LRPPRC: variants seen among roughly 807,000 people sequenced by gnomAD.
LRPPRC encodes the protein leucine-rich PPR motif-containing protein, mitochondrial.
Under a neutral mutation model 180.3 loss-of-function variants are expected in LRPPRC, and 120 were observed. The ratio of observed to expected loss-of-function variants is 0.67; its 90% CI spans 0.57 to 0.77. The LOEUF (loss-of-function observed/expected upper bound fraction) is 0.77. Ranked by LOEUF, LRPPRC falls within the 30% of genes least tolerant of loss-of-function variation. The pLI is 0.00. For synonymous variants in LRPPRC, 723 were observed against 600.0 expected (o/e 1.21, Z -3.00); for missense variants, 2,012 against 1,657.2 (o/e 1.21, Z -3.72).
chr2:43,952,412 A>T lies in LRPPRC; in HGVS notation c.1650-1812T>A, dbSNP rs969717640. 4.9e-4 allele frequency among the ~76,000 whole-genome samples: 75 copies of T among 152,352 alleles called. 1 individual carries two copies. The highest frequency in any genetic ancestry group is 9.4e-4 in the Non-Finnish European group (64 of 68,024). On this transcript the variant is annotated intron_variant, in intron 14 of 37. Transcript: ENST00000260665. ...TATCCTTCAAAACCAAGCTGTTGTA[A>T]GGAACAGTTACCAGTGCCCAAACCA... is the stretch of plus-strand genomic sequence containing the variant.
intron 12 of LRPPRC, among the ~76,000 whole-genome samples, chr2:43,963,065 G>C (rs1380411397): frequency 6.6e-6 from 1 of 152,132 alleles, no homozygotes; most frequent in Non-Finnish European, 1.5e-5. Context: ...TAATACACAA[G>C]AAAAAAGCTG....
At position 43,893,057 on chromosome 2, in the gene LRPPRC, T is replaced by G. The variant is rs566031602; in HGVS notation, c.3985+1488A>C. ...TCTGTGGAGGAAATCACTGCAGATG[T>G]GGAAATAGCAAGACAACTAGAAGGA... On this transcript the variant is annotated intron_variant, in intron 36 of 37. Coordinates refer to ENST00000260665, the MANE Select transcript of LRPPRC (RefSeq NM_133259.4). 4.6e-5 allele frequency among the ~76,000 whole-genome samples: 7 copies of G among 152,270 alleles called. No homozygotes were observed. The East Asian group carries it at 1.4e-3, about 29-fold the overall frequency.
chr2:43,901,286 C>G (rs1670873157), intron 32 of LRPPRC, 34 bp downstream of exon 32: 2 of 1,561,450 alleles, frequency 1.3e-6, no homozygotes, highest in Non-Finnish European at 1.8e-6. Flanking sequence ...ATTCTAGTGA[C>G]CAATGAAGGA....
rs1160304261 is a variant in LRPPRC at position 43,946,219 on chromosome 2, T to C, written c.2104A>G (p.Lys702Glu). Residue 702 changes from lysine (K) to glutamate (E), a missense_variant, in exon 21 of 38, where the codon AAA (lysine) becomes GAA (glutamate). Transcript: ENST00000260665. Reference sequence around the variant, plus strand: ...ACCATGTCGGATTCATATTTTGCTTTCAATTCAAGGGCTTTTTGCATATTC... The same window carrying C: ...ACCATGTCGGATTCATATTTTGCTTCCAATTCAAGGGCTTTTTGCATATTC... ...EENMQKALEL[K>E]AKYESDMVTG... 3.1e-6 allele frequency: 5 copies of C among 1,611,818 alleles called. No individual in the cohort carries two copies. The highest frequency in any genetic ancestry group is 4.2e-6 in the Non-Finnish European group (5 of 1,178,278).
Position 43,946,250 on chromosome 2 carries a change from T to TA in LRPPRC, c.2080-8dup. The TA allele has an allele frequency of 6.2e-7, 1 of 1,607,348 alleles. No homozygotes were observed. Among genetic ancestry groups the TA allele is most frequent in the Non-Finnish European group, 8.5e-7 (1 of 1,174,314 alleles). ...CAAGGGCTTTTTGCATATTCTAAAA[T>TA]ACAGCATAGATGTGAAAAAGAAGAA... On this transcript the variant is annotated splice_region_variant and splice_polypyrimidine_tract_variant and intron_variant, in intron 20 of 37. Transcript: ENST00000260665.
chr2:43,920,953 T>C (rs953555676), intron 27 of LRPPRC, among the ~76,000 whole-genome samples: 10 of 152,202 alleles, frequency 6.6e-5, no homozygotes, highest in Non-Finnish European at 1.0e-4. Flanking sequence ...TACAAAAAGC[T>C]TCTACTTTGG....
At chr2:43,907,671 G>C (rs935603920) in intron 30 of LRPPRC, among the ~76,000 whole-genome samples, 1 of 152,156 alleles carries the variant, frequency 6.6e-6, no homozygotes, top group Non-Finnish European at 1.5e-5. Context: ...CTGGATAGCA[G>C]AGAATTCTAG....
intron 13 of LRPPRC, among the ~76,000 whole-genome samples, chr2:43,959,396 C>A (rs1043008206): frequency 6.6e-6 from 1 of 152,104 alleles, no homozygotes; most frequent in African/African-American, 2.4e-5. Context: ...GTAATACATA[C>A]CAATAACCTG....
intron 25 of LRPPRC, among the ~76,000 whole-genome samples, chr2:43,927,420 C>T (rs989440489): frequency 4.6e-5 from 7 of 152,174 alleles, no homozygotes; most frequent in Admixed American, 2.0e-4. Flanking sequence ...ATATCATCCA[C>T]TTTTTGGGAT....
chr2:43,937,061 G>A (rs1672303136), intron 23 of LRPPRC, among the ~76,000 whole-genome samples: 1 of 151,942 alleles, frequency 6.6e-6, no homozygotes, highest in South Asian at 2.1e-4. Context: ...AACTAGAATA[G>A]TATTGTCTCA....
rs369873697 is a variant in LRPPRC at position 43,963,575 on chromosome 2, C to T, written c.1488+13G>A. ...CTCTTCAATTATTAAATTAAAACCA[C>T]ACTTGTACTCACCTGCAAAATGGCT... is the stretch of plus-strand genomic sequence containing the variant. On this transcript the variant is annotated intron_variant, in intron 12 of 37. Coordinates refer to ENST00000260665, the MANE Select transcript of LRPPRC (RefSeq NM_133259.4). 3.5e-6 allele frequency: 5 copies of T among 1,427,982 alleles called. No individual in the cohort carries two copies. The African/African-American group carries it at 5.6e-5, about 16-fold the overall frequency. The allele number at this position is 1,427,982 out of a possible 1,614,324, so 88.5% of individuals were successfully genotyped here. A position where few individuals can be genotyped will look rare whatever the true frequency, so the allele number is the denominator to read the frequency against.
At chr2:43,923,294 C>A (rs1352078848) in intron 27 of LRPPRC, among the ~76,000 whole-genome samples, 1 of 150,122 alleles carries the variant, frequency 6.7e-6, no homozygotes, top group Non-Finnish European at 1.5e-5. Flanking sequence ...TCCTGGGCAA[C>A]ATAGTGGGAC....
At position 43,974,655 on chromosome 2, in the gene LRPPRC, T is replaced by C. The variant is rs1673969036; in HGVS notation, c.968A>G (p.Glu323Gly). The C allele has an allele frequency of 2.5e-6, 4 of 1,610,564 alleles. No individual in the cohort carries two copies. The highest frequency in any genetic ancestry group is 1.1e-5 in the South Asian group (1 of 90,968). Residue 323 changes from glutamate to glycine, a missense_variant, in exon 8 of 38, where the codon GAA becomes GGA. Physicochemically the swap from Glu to Gly is moderately conservative, Grantham distance 98. Transcript: ENST00000260665. Reference protein sequence around the residue: ...SKAGYPQYVSEILEKVTCERR... With the variant: ...SKAGYPQYVSGILEKVTCERR... ...TTCACATGTAACTTTTTCCAAAATT[T>C]CTGAGACATACTGAGGATACCCAGC...
In LRPPRC at chr2:43,888,782, C is replaced by G. The variant is rs574467071; in HGVS notation, c.4129-126G>C. 2.8e-5 allele frequency: 19 copies of G among 672,516 alleles called. No homozygotes were observed. In the East Asian group the frequency reaches 5.5e-4, roughly 19 times the overall value. The allele number at this position is 672,516 out of a possible 1,614,324, so 41.7% of individuals were successfully genotyped here. On this transcript the variant is annotated intron_variant, in intron 37 of 37. Transcript: ENST00000260665. ...GCCAGGCCCATGGAAGATGCTGCCC[C>G]TCAAGCTTCAGTACTCCTTCCTTGT...
chr2:43,929,624 G>T (rs989607700), intron 25 of LRPPRC, among the ~76,000 whole-genome samples: 4 of 151,972 alleles, frequency 2.6e-5, no homozygotes, highest in African/African-American at 7.3e-5. Context: ...CATGTAAGTG[G>T]ACCTACACAA....
chr2:43,898,688 C>G (rs1006196645), intron 34 of LRPPRC, among the ~76,000 whole-genome samples: 9 of 152,136 alleles, frequency 5.9e-5, no homozygotes, highest in African/African-American at 1.9e-4. Context: ...TTTAATGTGT[C>G]TGTGACACAC....
rs1229674070 is a variant in LRPPRC at position 43,899,344 on chromosome 2, T to C, written c.3710-10A>G. 7 of 1,611,770 alleles carry C rather than the reference T, an allele frequency of 4.3e-6. No individual in the cohort carries two copies. Among genetic ancestry groups the C allele is most frequent in the Non-Finnish European group, 5.9e-6 (7 of 1,177,926 alleles). ...TCCGCCATGATGCTTACTGGAAAAA[T>C]GACAGGTAAGAAAAATCTTTCATTA... On this transcript the variant is annotated splice_polypyrimidine_tract_variant and intron_variant, in intron 33 of 37. Coordinates refer to ENST00000260665, the MANE Select transcript of LRPPRC (RefSeq NM_133259.4).
chr2:43,938,514 A>G (rs1672354661), intron 23 of LRPPRC, among the ~76,000 whole-genome samples: 1 of 152,248 alleles, frequency 6.6e-6, no homozygotes, highest in African/African-American at 2.4e-5. Context: ...TCTAGAATCT[A>G]GAATTCACTT....
In LRPPRC at chr2:43,925,881, T is replaced by TA. The variant is rs1558951034; in HGVS notation, c.2805+11_2805+12insT. 1 of 1,596,358 alleles carries TA rather than the reference T, an allele frequency of 6.3e-7. No homozygotes were observed. ...CTTTTAGGTGATTGAGACATCTGAATCAAATACAAACCTGATTATTTGCAA... is the reference window on the plus strand; with the variant it reads ...CTTTTAGGTGATTGAGACATCTGAATACAAATACAAACCTGATTATTTGCAA... On this transcript the variant is annotated intron_variant, in intron 26 of 37. Coordinates refer to ENST00000260665, the MANE Select transcript of LRPPRC (RefSeq NM_133259.4).
Sources: allele counts gnomAD v4.1 joint callset (sites outside exome capture counted in the v4.1 genomes callset), GRCh38; gene constraint gnomAD v4.1.1; transcripts MANE v1.5; gene names NCBI Gene and HGNC (gene_info 2026-07-23, HGNC 2026-07-21).